Variants in GSPT1 observed in about 807,000 individuals in gnomAD.
GSPT1 encodes the protein eukaryotic peptide chain release factor GTP-binding subunit ERF3A.
GSPT1 carries 20 observed loss-of-function variants against 72.5 expected under a neutral mutation model. That is an observed-to-expected ratio of 0.28 (90% CI 0.19 to 0.40). GSPT1 has a LOEUF of 0.40. Among genes scored for constraint, GSPT1 ranks in the 10% least tolerant of loss-of-function variants. The pLI is 1.00. For missense variants in GSPT1, 580 were observed against 811.9 expected, an observed-to-expected ratio of 0.71 and a Z score of 3.47; for synonymous variants, 334 against 293.5, an observed-to-expected ratio of 1.14 and a Z score of -1.41.
chr16:11,886,586 C>T lies in GSPT1; in HGVS notation c.1138G>A (p.Val380Met). 1 of 1,611,482 alleles carries T rather than the reference C, an allele frequency of 6.2e-7. No individual in the cohort carries two copies. The highest frequency in any genetic ancestry group is 8.5e-7 in the Non-Finnish European group (1 of 1,177,756). ...ERYEECKEKL[V>M]PFLKKVGFNP... is the part of the protein sequence containing the mutation. ...AAGCCAACTTTTTTCAAAAATGGCA[C>T]TAGTTTCTCCTTACATTCTTCATAT... Residue 380 changes from valine (V) to methionine (M), a missense_variant, in exon 9 of 15, where the codon GTG (valine) becomes ATG (methionine). Val to Met is a conservative substitution (Grantham distance 21). Transcript: ENST00000434724.
In GSPT1 at chr16:11,871,963, T is replaced by G. The variant is rs926814635; in HGVS notation, c.*1156A>C. 7.2e-5 allele frequency: 11 copies of G among 152,194 alleles called. No individual in the cohort carries two copies. Among genetic ancestry groups the G allele is most frequent in the African/African-American group, 2.7e-4 (11 of 41,456 alleles). 9.4% of individuals were successfully genotyped at this position (152,194 alleles called of 1,614,324 possible). ...CAATTTCAAATAATTGAGATAAAACTTATACCCTGCTTGATTCTGCTTATC... is the reference window on the plus strand; with the variant it reads ...CAATTTCAAATAATTGAGATAAAACGTATACCCTGCTTGATTCTGCTTATC... On this transcript the variant is annotated 3_prime_UTR_variant, in exon 15 of 15. Transcript: ENST00000434724.
At chr16:11,898,609 G>A (rs1478781788) in intron 1 of GSPT1, among the ~76,000 whole-genome samples, 2 of 152,030 alleles carry the variant, frequency 1.3e-5, no homozygotes, top group Non-Finnish European at 2.9e-5. Flanking sequence ...ATGCCACCAT[G>A]CCCGGCTAAT....
intron 1 of GSPT1, among the ~76,000 whole-genome samples, chr16:11,909,578 T>C (rs2054531639): frequency 6.6e-6 from 1 of 152,132 alleles, no homozygotes. Flanking sequence ...AATAGACAAG[T>C]ACTGTAAAAA....
At chr16:11,899,453 G>C (rs34221616) in intron 1 of GSPT1, among the ~76,000 whole-genome samples, 4,806 of 152,114 alleles carry the variant, frequency 0.032, 141 homozygotes, top group African/African-American at 0.073. Context: ...ACCACTGCAA[G>C]AAAGCATGCC....
intron 6 of GSPT1, among the ~76,000 whole-genome samples, chr16:11,888,696 A>G (rs2054215224): frequency 6.6e-6 from 1 of 152,274 alleles, no homozygotes; most frequent in African/African-American, 2.4e-5. Context: ...CAGGAGGCGG[A>G]GGTTGCAGTG....
rs1344644055 is a variant in GSPT1 at position 11,872,198 on chromosome 16, G to T, written c.*921C>A. On this transcript the variant is annotated 3_prime_UTR_variant, in exon 15 of 15. Coordinates refer to ENST00000434724, the MANE Select transcript of GSPT1 (RefSeq NM_002094.4). ...AGCTCTATTTATAAATACTACCAGA[G>T]GAATTTTTGCCAGGTCTCAAACATG... is the stretch of plus-strand genomic sequence containing the variant. The T allele has an allele frequency of 6.6e-6, 1 of 152,038 alleles. No homozygotes were observed. The highest frequency in any genetic ancestry group is 6.5e-5 in the Admixed American group (1 of 15,268). The allele number at this position is 152,038 out of a possible 1,614,324, so 9.4% of individuals were successfully genotyped here.
chr16:11,873,952 G>C (rs1246125373), intron 14 of GSPT1, among the ~76,000 whole-genome samples: 1 of 152,226 alleles, frequency 6.6e-6, no homozygotes, highest in Non-Finnish European at 1.5e-5. Context: ...TATCCACCCA[G>C]TGGAGTACTA....
intron 1 of GSPT1, among the ~76,000 whole-genome samples, chr16:11,911,939 C>A (rs1178790532): frequency 7.2e-6 from 1 of 138,684 alleles, no homozygotes; most frequent in Non-Finnish European, 1.5e-5. Flanking sequence ...GCAATCCTCT[C>A]ACCTCAGCCT....
At chr16:11,915,003 G>T in intron 1 of GSPT1, 1 of 1,289,284 alleles carries the variant, frequency 7.8e-7, no homozygotes, top group African/African-American at 1.5e-5. Flanking sequence ...ATGACTCCTG[G>T]CTCCATCTGT....
At chr16:11,887,843 A>G (rs997909369) in intron 6 of GSPT1, 93 bp from the exon 7 acceptor site, 6 of 838,498 alleles carry the variant, frequency 7.2e-6, no homozygotes, top group Non-Finnish European at 1.1e-5. Flanking sequence ...GATGACACAC[A>G]ACACCTAAAT....
intron 9 of GSPT1, among the ~76,000 whole-genome samples, chr16:11,885,632 C>T (rs1567439326): frequency 6.6e-6 from 1 of 152,172 alleles, no homozygotes; most frequent in Non-Finnish European, 1.5e-5. Context: ...TGGCTCATGC[C>T]TATAATCCCA....
At chr16:11,892,889 G>C (rs190740737) in intron 5 of GSPT1, among the ~76,000 whole-genome samples, 1 of 143,320 alleles carries the variant, frequency 7.0e-6, no homozygotes, top group East Asian at 2.0e-4. Context: ...CCTTATAGTG[G>C]ACAATCTTGA....
At chr16:11,883,600 A>G in intron 10 of GSPT1, among the ~76,000 whole-genome samples, 1 of 145,978 alleles carries the variant, frequency 6.9e-6, no homozygotes, top group African/African-American at 2.7e-5. Flanking sequence ...AGCTTGGGTA[A>G]AAGAGCAAGA....
chr16:11,915,276 C>T, intron 1 of GSPT1, 93 bp downstream of exon 1: 1 of 1,217,580 alleles, frequency 8.2e-7, no homozygotes, highest in Non-Finnish European at 1.0e-6. Flanking sequence ...ACGTGCCGAC[C>T]GGGCCCCAGG....
rs1041503857 is a variant in GSPT1 at position 11,872,171 on chromosome 16, G to A, written c.*948C>T. The A allele has an allele frequency of 6.6e-6, 1 of 152,120 alleles. No homozygotes were observed. The highest frequency in any genetic ancestry group is 2.4e-5 in the African/African-American group (1 of 41,424). The allele number at this position is 152,120 out of a possible 1,614,324, so 9.4% of individuals were successfully genotyped here. On this transcript the variant is annotated 3_prime_UTR_variant, in exon 15 of 15. Coordinates refer to ENST00000434724, the MANE Select transcript of GSPT1 (RefSeq NM_002094.4). ...GATACGGTTTTCATACTAGAGGCAT[G>A]CAGCTCTATTTATAAATACTACCAG...
chr16:11,872,521 C>T lies in GSPT1; in HGVS notation c.*598G>A, dbSNP rs778824248. ...TCCTTTCCTTTAATACAAACTTGAA[C>T]GCTGTGAATGTCTCATTTATAGTGG... On this transcript the variant is annotated 3_prime_UTR_variant, in exon 15 of 15. Transcript: ENST00000434724. 1 of 152,016 alleles carries T rather than the reference C, an allele frequency of 6.6e-6. No homozygotes were observed. The highest frequency in any genetic ancestry group is 1.5e-5 in the Non-Finnish European group (1 of 68,026). The allele number at this position is 152,016 out of a possible 1,614,324, so 9.4% of individuals were successfully genotyped here. A position where few individuals can be genotyped will look rare whatever the true frequency, so the allele number is the denominator to read the frequency against.
At chr16:11,911,005 A>G (rs1380516038) in intron 1 of GSPT1, among the ~76,000 whole-genome samples, 1 of 152,214 alleles carries the variant, frequency 6.6e-6, no homozygotes, top group African/African-American at 2.4e-5. Context: ...AAGTAACGAA[A>G]GGCAGTGTTT....
chr16:11,916,528 A>G (rs1018823892), upstream of GSPT1, among the ~76,000 whole-genome samples: 1 of 151,498 alleles, frequency 6.6e-6, no homozygotes, highest in Non-Finnish European at 1.5e-5. Flanking sequence ...CTTTCTCCTC[A>G]CCCCCAGCCA....
At chr16:11,888,581 G>A (rs1012470874) in intron 6 of GSPT1, among the ~76,000 whole-genome samples, 1 of 151,992 alleles carries the variant, frequency 6.6e-6, no homozygotes, top group African/African-American at 2.4e-5. Context: ...GGCCAACATG[G>A]TGAGACCCCA....
Sources: gnomAD v4.1 joint callset for allele counts (sites outside exome capture counted in the v4.1 genomes callset) on GRCh38, gnomAD v4.1.1 for gene constraint, MANE v1.5 for transcripts, NCBI Gene and HGNC (gene_info 2026-07-23, HGNC 2026-07-21) for gene names.